ATP2C2: variants seen among roughly 807,000 people sequenced by gnomAD.
ATP2C2 encodes ATPase secretory pathway Ca2+ transporting 2.
Under a neutral mutation model 110.8 loss-of-function variants are expected in ATP2C2, and 171 were observed. The observed-to-expected ratio is 1.54, with a 90% CI of 1.36 to 1.75. The LOEUF (loss-of-function observed/expected upper bound fraction) is 1.75, where lower values mean the gene tolerates loss of function less well. ATP2C2 is among the 40% of genes most tolerant of loss of function. ATP2C2 has a pLI of 0.00. For missense variants in ATP2C2, 1,963 were observed against 1,235.0 expected, an observed-to-expected ratio of 1.59 and a Z score of -8.84; for synonymous variants, 804 against 508.4, an observed-to-expected ratio of 1.58 and a Z score of -7.82.
At chr16:84,405,918 TCCA>T (rs903877136) in intron 3 of ATP2C2, among the ~76,000 whole-genome samples, 2 of 152,118 alleles carry the variant, frequency 1.3e-5, no homozygotes, top group African/African-American at 2.4e-5. Context: ...AGACCTTGTC[TCCA>T]CAACAACAAC....
rs189686158 is a variant in ATP2C2 at position 84,462,089 on chromosome 16, G to A, written c.2682G>A (p.Pro894=). ...LGQLAVIYIP[P]LQRVFQTENL... ...AGCTGGCGGTCATTTACATCCCCCC[G>A]CTGCAGAGGGTCTTCCAGACGGAGA... The change falls in exon 26 of 27, where the codon CCG becomes CCA. Residue 894 remains proline, a synonymous_variant. Coordinates refer to ENST00000262429, the MANE Select transcript of ATP2C2 (RefSeq NM_014861.4). 3,439 of 1,613,958 alleles carry A rather than the reference G, an allele frequency of 2.1e-3. 48 individuals carry two copies. In the African/African-American group the frequency reaches 0.026, roughly 12 times the overall value.
At chr16:84,461,468 G>A (rs934956631) in intron 24 of ATP2C2, 19 of 586,356 alleles carry the variant, frequency 3.2e-5, no homozygotes, top group South Asian at 2.0e-4. Context: ...GGAGGAAGTG[G>A]TGTTTCCTCC....
chr16:84,372,618 G>T (rs888742918), intron 1 of ATP2C2, among the ~76,000 whole-genome samples: 1 of 151,738 alleles, frequency 6.6e-6, no homozygotes, highest in Non-Finnish European at 1.5e-5. Context: ...AGAGATGGGG[G>T]TTTCACCATG....
chr16:84,462,249 G>T, intron 26 of ATP2C2, 120 bp downstream of exon 26: 2 of 1,352,566 alleles, frequency 1.5e-6, no homozygotes, highest in East Asian at 2.3e-5. Flanking sequence ...CTCACCAGGG[G>T]CCGGCTCTGT....
At chr16:84,444,843 A>G (rs758224743) in intron 15 of ATP2C2, among the ~76,000 whole-genome samples, 41 of 152,248 alleles carry the variant, frequency 2.7e-4, no homozygotes, top group Non-Finnish European at 4.3e-4. Flanking sequence ...TGCCTGTGTG[A>G]CAGGCATGGG....
chr16:84,397,153 G>A (rs572626369), intron 1 of ATP2C2, among the ~76,000 whole-genome samples: 22 of 151,856 alleles, frequency 1.4e-4, no homozygotes, highest in African/African-American at 4.9e-4. Context: ...ACACTTTTCC[G>A]CTTCTGAGGT....
At chr16:84,422,241 C>T (rs1462275648) in intron 7 of ATP2C2, 149 bp from the exon 8 acceptor site, 1 of 881,284 alleles carries the variant, frequency 1.1e-6, no homozygotes, top group Admixed American at 3.0e-5. Context: ...TCCTGGAGGC[C>T]TCAGAGGCCG....
At chr16:84,458,390 A>C (rs1368550393) in intron 21 of ATP2C2, among the ~76,000 whole-genome samples, 4 of 136,626 alleles carry the variant, frequency 2.9e-5, no homozygotes, top group African/African-American at 1.1e-4. Context: ...GATATACCTA[A>C]TGCTAGATGA....
chr16:84,375,507 C>T (rs1181843115), intron 1 of ATP2C2, among the ~76,000 whole-genome samples: 2 of 148,406 alleles, frequency 1.3e-5, no homozygotes, highest in African/African-American at 4.9e-5. Context: ...TGTCCCTGCA[C>T]TTCAGCCTGG....
intron 26 of ATP2C2, chr16:84,462,393 G>A: frequency 2.5e-6 from 1 of 405,736 alleles, no homozygotes; most frequent in Non-Finnish European, 4.4e-6. Context: ...GGCATCCCAG[G>A]CGTCGGGCTG....
intron 1 of ATP2C2, among the ~76,000 whole-genome samples, chr16:84,383,036 C>G (rs10459853): frequency 0.14 from 21,599 of 152,196 alleles, 1,676 homozygotes; most frequent in East Asian, 0.29. Flanking sequence ...AGTGTGCCTC[C>G]TCTCCCAGGG....
intron 2 of ATP2C2, chr16:84,404,574 C>T (rs1905583151): frequency 8.4e-6 from 2 of 238,716 alleles, no homozygotes; most frequent in Admixed American, 5.2e-5. Flanking sequence ...GTGTGTACAC[C>T]ATGTTTCATG....
Position 84,453,190 on chromosome 16 carries a change from G to A in ATP2C2, c.1884G>A (p.Glu628=). 2 of 1,614,024 alleles carry A rather than the reference G, an allele frequency of 1.2e-6. No individual in the cohort carries two copies. Among genetic ancestry groups the A allele is most frequent in the Non-Finnish European group, 1.7e-6 (2 of 1,179,920 alleles). Residue 628 remains glutamate (E), a synonymous_variant, in exon 19 of 27, where the codon GAG becomes GAA. Transcript: ENST00000262429. ...AGCTGCAAGCCATGTCCGGGGAGGAGGTGGACAGCGTGGAGAAGGGCGAGC... is the reference window on the plus strand; with the variant it reads ...AGCTGCAAGCCATGTCCGGGGAGGAAGTGGACAGCGTGGAGAAGGGCGAGC... ...NGKLQAMSGE[E]VDSVEKGELA... is the part of the protein sequence containing the mutation.
At chr16:84,444,162 C>CAAAAAAAAAAAAAAAA (rs71151217) in intron 15 of ATP2C2, among the ~76,000 whole-genome samples, 8 of 104,572 alleles carry the variant, frequency 7.7e-5, no homozygotes, top group South Asian at 3.1e-4. Flanking sequence ...GATCCTGCCT[C>CAAAAAAAAAAAAAAAA]AAAAAAAAAA....
Position 84,376,113 on chromosome 16 carries a change from C to G in ATP2C2, c.99+7399C>G, listed in dbSNP as rs546790480. ...GAGGTGGATGGGACAGGGGTCTGTA[C>G]GTGACCATTTGGGGGCTCCTGCGAC... On this transcript the variant is annotated intron_variant, in intron 1 of 26. Coordinates refer to ENST00000262429, the MANE Select transcript of ATP2C2 (RefSeq NM_014861.4). Among the ~76,000 whole-genome samples, 3 of 152,028 alleles carry G rather than the reference C, an allele frequency of 2.0e-5. No homozygotes were observed. In the East Asian group the frequency reaches 5.8e-4, roughly 29 times the overall value.
rs73247812 is a variant in ATP2C2 at position 84,448,436 on chromosome 16, C to T, written c.1504-97C>T. 605 of 1,410,016 alleles carry T rather than the reference C, an allele frequency of 4.3e-4. 4 individuals carry two copies. The African/African-American group carries it at 6.6e-3, about 15-fold the overall frequency. 87.3% of individuals were successfully genotyped at this position (1,410,016 alleles called of 1,614,324 possible). A position where few individuals can be genotyped will look rare whatever the true frequency, so the allele number is the denominator to read the frequency against. On this transcript the variant is annotated intron_variant, in intron 16 of 26. Transcript: ENST00000262429. ...TAAATAACTCCGCTGCAAAGATCCC[C>T]GTGTGTGTCTTTGTAACCTTGTGCA...
At chr16:84,428,115 A>G (rs1397525401) in intron 11 of ATP2C2, among the ~76,000 whole-genome samples, 2 of 152,186 alleles carry the variant, frequency 1.3e-5, no homozygotes, top group African/African-American at 2.4e-5. Flanking sequence ...CTCCTGGTGG[A>G]TTGAGGCATC....
At chr16:84,444,690 C>T (rs764670412) in intron 15 of ATP2C2, among the ~76,000 whole-genome samples, 1 of 152,224 alleles carries the variant, frequency 6.6e-6, no homozygotes, top group Non-Finnish European at 1.5e-5. Context: ...CTTCCGCCAC[C>T]AGCCGTCCCT....
At chr16:84,453,502 C>T (rs1910509804) in intron 20 of ATP2C2, 131 bp downstream of exon 20, 3 of 1,255,516 alleles carry the variant, frequency 2.4e-6, no homozygotes, top group African/African-American at 1.5e-5. Flanking sequence ...AGGTCCAGGG[C>T]AGCTGCCCCG....
Sources: gnomAD v4.1 joint callset for allele counts (sites outside exome capture counted in the v4.1 genomes callset) on GRCh38, gnomAD v4.1.1 for gene constraint, MANE v1.5 for transcripts, NCBI Gene and HGNC (gene_info 2026-07-23, HGNC 2026-07-21) for gene names.